The following OSBPL10 variants were observed in gnomAD, a reference collection of about 807,000 sequenced individuals.
The protein encoded by OSBPL10 is oxysterol binding protein like 10, also known as oxysterol-binding protein-related protein 10.
In OSBPL10, 49 loss-of-function variants were observed where a neutral mutation model predicts 81.7. The observed-to-expected ratio is 0.60, with a 90% confidence interval of 0.48 to 0.76. The LOEUF is 0.76. Ranked by LOEUF, OSBPL10 falls within the 30% of genes least tolerant of loss-of-function variation. OSBPL10 has a pLI of 0.00. For missense variants in OSBPL10, 923 were observed against 987.8 expected, an observed-to-expected ratio of 0.93 and a Z score of 0.88; for synonymous variants, 419 against 383.6, an observed-to-expected ratio of 1.09 and a Z score of -1.08.
chr3:31,782,193 A>C (rs962679782), intron 4 of OSBPL10, among the ~76,000 whole-genome samples: 16 of 152,072 alleles, frequency 1.1e-4, no homozygotes, highest in African/African-American at 3.1e-4. Flanking sequence ...AAAATGGGAT[A>C]TCCTATTCAA....
At chr3:32,015,189 C>T (rs1250592874) in intron 2 of OSBPL10, among the ~76,000 whole-genome samples, 9 of 151,182 alleles carry the variant, frequency 6.0e-5, no homozygotes, top group African/African-American at 4.9e-5. Context: ...TACCTGACTT[C>T]AAACTATACT....
intron 1 of OSBPL10, among the ~76,000 whole-genome samples, chr3:31,946,040 G>C (rs1697692580): frequency 6.6e-6 from 1 of 152,010 alleles, no homozygotes; most frequent in South Asian, 2.1e-4. Context: ...GAGTGCAATG[G>C]CATGATCTCG....
chr3:31,963,174 CT>C (rs1333258533), intron 1 of OSBPL10, among the ~76,000 whole-genome samples: 1 of 151,940 alleles, frequency 6.6e-6, no homozygotes, highest in African/African-American at 2.4e-5. Flanking sequence ...ATCATGCTCT[CT>C]AGCCATCTCT....
chr3:31,726,991 G>A (rs530493215), intron 6 of OSBPL10, among the ~76,000 whole-genome samples: 8 of 151,734 alleles, frequency 5.3e-5, no homozygotes, highest in African/African-American at 1.9e-4. Context: ...CCATCGGCAC[G>A]TACCCAGCTA....
intron 4 of OSBPL10, among the ~76,000 whole-genome samples, chr3:31,801,879 A>G (rs1699390334): frequency 6.6e-6 from 1 of 151,772 alleles, no homozygotes; most frequent in African/African-American, 2.4e-5. Context: ...CTGAAGTGCA[A>G]TGGCACGATC....
intron 1 of OSBPL10, among the ~76,000 whole-genome samples, chr3:31,977,032 C>G (rs1025619895): frequency 6.6e-6 from 1 of 152,078 alleles, no homozygotes; most frequent in Non-Finnish European, 1.5e-5. Flanking sequence ...TGACTTAGGG[C>G]AAATGAAAGT....
In OSBPL10 at chr3:31,879,811, C is replaced by T. The variant is rs777488516; in HGVS notation, c.301G>A (p.Glu101Lys). 4 of 1,613,958 alleles carry T rather than the reference C, an allele frequency of 2.5e-6. No homozygotes were observed. The highest frequency in any genetic ancestry group is 2.2e-5 in the East Asian group (1 of 44,876). The change falls in exon 2 of 12, where the codon GAG becomes AAG. Residue 101 changes from glutamate to lysine, a missense_variant. This residue lies in a region of OSBPL10 where 514 missense variants were observed against 508.0 expected (regional missense o/e 1.01). Transcript: ENST00000396556. ...ACAAAATACTGCAGGATGCCAGCCT[C>T]GAAATCCAGTACGAAGTACCTGCAC... ...WQNRYFVLDF[E>K]AGILQYFVNE...
At chr3:31,666,980 TTC>T (rs1341012677) in intron 10 of OSBPL10, among the ~76,000 whole-genome samples, 1 of 152,192 alleles carries the variant, frequency 6.6e-6, no homozygotes, top group African/African-American at 2.4e-5. Context: ...AGGTAGCACC[TTC>T]TCTCTTACTC....
intron 1 of OSBPL10, among the ~76,000 whole-genome samples, chr3:32,055,129 A>T (rs1005674771): frequency 6.6e-6 from 1 of 150,464 alleles, no homozygotes; most frequent in Non-Finnish European, 1.5e-5. Flanking sequence ...CTTTTTGCTT[A>T]AAACTTTGCT....
At chr3:31,790,576 C>T (rs1698984463) in intron 4 of OSBPL10, among the ~76,000 whole-genome samples, 1 of 152,186 alleles carries the variant, frequency 6.6e-6, no homozygotes, top group African/African-American at 2.4e-5. Context: ...GATTAAGAGG[C>T]CATCTGATAG....
At chr3:31,863,661 T>G (rs930285837) in intron 3 of OSBPL10, among the ~76,000 whole-genome samples, 2 of 152,214 alleles carry the variant, frequency 1.3e-5, no homozygotes, top group Non-Finnish European at 1.5e-5. Flanking sequence ...CATTTACTAT[T>G]ATTTCCTTTT....
chr3:31,912,860 T>C (rs1303850212), intron 1 of OSBPL10, among the ~76,000 whole-genome samples: 2 of 152,168 alleles, frequency 1.3e-5, no homozygotes, highest in Non-Finnish European at 1.5e-5. Flanking sequence ...GCCTGCTCAA[T>C]CCATTTCCTT....
intron 3 of OSBPL10, among the ~76,000 whole-genome samples, chr3:31,861,132 A>G (rs1202209836): frequency 6.6e-6 from 1 of 152,184 alleles, no homozygotes; most frequent in Non-Finnish European, 1.5e-5. Context: ...CAGATTTAGA[A>G]TAAGTCATGT....
At position 31,842,475 on chromosome 3, in the gene OSBPL10, AG is replaced by A. The variant is rs575699329; in HGVS notation, c.538-12245del. On this transcript the variant is annotated intron_variant, in intron 3 of 11. Transcript: ENST00000396556. ...TCTGTGTTAATACAGGGAGGAAGACAGGGTGATCCTTACAGGAAATGCAAAA... is the reference window on the plus strand; with the variant it reads ...TCTGTGTTAATACAGGGAGGAAGACAGGTGATCCTTACAGGAAATGCAAAA... 5.9e-5 allele frequency among the ~76,000 whole-genome samples: 9 copies of A among 152,336 alleles called. No homozygotes were observed. In the East Asian group the frequency reaches 1.5e-3, roughly 26 times the overall value.
upstream of OSBPL10, among the ~76,000 whole-genome samples, chr3:31,984,633 C>T (rs906872647): frequency 6.6e-6 from 1 of 152,126 alleles, no homozygotes; most frequent in East Asian, 1.9e-4. Flanking sequence ...CTTGTGACCT[C>T]TGGAAAAATG....
chr3:31,674,666 T>C (rs576410459), intron 8 of OSBPL10, among the ~76,000 whole-genome samples: 1 of 152,156 alleles, frequency 6.6e-6, no homozygotes, highest in Non-Finnish European at 1.5e-5. Context: ...TTGCTTCTGC[T>C]CTTGCCATGT....
intron 2 of OSBPL10, among the ~76,000 whole-genome samples, chr3:32,018,541 A>T (rs73061502): frequency 2.4e-3 from 369 of 152,316 alleles, no homozygotes; most frequent in Admixed American, 4.6e-3. Context: ...TACAATAAAA[A>T]TGCTGTAAAA....
intron 7 of OSBPL10, among the ~76,000 whole-genome samples, chr3:31,695,624 C>T (rs889501969): frequency 9.2e-5 from 14 of 152,208 alleles, no homozygotes; most frequent in African/African-American, 3.4e-4. Flanking sequence ...TTCTGTATAT[C>T]TCAATCTGGC....
chr3:32,036,291 T>C (rs1699518209), intron 2 of OSBPL10, among the ~76,000 whole-genome samples: 1 of 152,158 alleles, frequency 6.6e-6, no homozygotes. Flanking sequence ...TAAGCCATCC[T>C]CCTGCGTTGG....
Sources: gnomAD v4.1 joint callset for allele counts (sites outside exome capture counted in the v4.1 genomes callset) on GRCh38, gnomAD v4.1.1 for gene constraint, gnomAD v4.1.1 regional missense constraint, MANE v1.5 for transcripts, NCBI Gene and HGNC (gene_info 2026-07-23, HGNC 2026-07-21) for gene names.